Variants in TRMO observed in about 807,000 individuals in gnomAD.
TRMO encodes tRNA methyltransferase O.
In TRMO, 30 loss-of-function variants were observed where a neutral mutation model predicts 37.2. The observed-to-expected ratio is 0.81, with a 90% CI of 0.60 to 1.09. TRMO has a LOEUF of 1.09. TRMO is among the 50% of genes least tolerant of loss of function. The pLI, the probability that TRMO is intolerant of heterozygous loss-of-function variation, is 0.00. For missense variants in TRMO, 552 were observed against 549.5 expected, an observed-to-expected ratio of 1.00 and a Z score of -0.05; for synonymous variants, 239 against 199.4, an observed-to-expected ratio of 1.20 and a Z score of -1.67.
intron 3 of TRMO, chr9:97,911,063 G>A: frequency 7.5e-6 from 3 of 400,124 alleles, no homozygotes; most frequent in Non-Finnish European, 1.5e-5. Context: ...GTAGTCCTCA[G>A]TATATCTCTG....
chr9:97,915,190 A>C (rs1251771669), intron 2 of TRMO, among the ~76,000 whole-genome samples: 1 of 152,238 alleles, frequency 6.6e-6, no homozygotes, highest in Non-Finnish European at 1.5e-5. Flanking sequence ...AAATGACAAC[A>C]AACAATGCTA....
At position 97,904,942 on chromosome 9, in the gene TRMO, G is replaced by C. The variant is rs772505221; in HGVS notation, c.1117C>G (p.Arg373Gly). The change falls in exon 5 of 5, where the codon CGT (arginine) becomes GGT (glycine). Residue 373 changes from arginine to glycine, a missense_variant. Coordinates refer to ENST00000375119, the MANE Select transcript of TRMO (RefSeq NM_016481.5). ...KYFQSAEEAK[R>G]AIEAVLSADP... ...GCTGACAGCACAGCCTCAATGGCAC[G>C]CTTTGCTTCCTCTGCTGACTGAAAA... 1.2e-6 allele frequency: 2 copies of C among 1,614,120 alleles called. No homozygotes were observed. The highest frequency in any genetic ancestry group is 1.7e-6 in the Non-Finnish European group (2 of 1,179,996).
intron 2 of TRMO, among the ~76,000 whole-genome samples, chr9:97,914,934 C>T (rs990010805): frequency 6.6e-6 from 1 of 152,096 alleles, no homozygotes; most frequent in Admixed American, 6.6e-5. Context: ...GGAAAAATCT[C>T]TTTATATACT....
At chr9:97,907,454 C>A (rs68112593) in intron 4 of TRMO, among the ~76,000 whole-genome samples, 30,677 of 152,180 alleles carry the variant, frequency 0.2, 3,363 homozygotes, top group Non-Finnish European at 0.24. Flanking sequence ...AAGCCAAATA[C>A]CCCCCTAGCC....
the TRMO span, among the ~76,000 whole-genome samples, chr9:97,899,194 G>T: frequency 6.8e-4 from 104 of 151,872 alleles, no homozygotes; most frequent in African/African-American, 2.5e-3. Flanking sequence ...CTAGGATTAG[G>T]AAAGAAAGTA....
At position 97,904,831 on chromosome 9, in the gene TRMO, A is replaced by C; in HGVS notation, c.1228T>G (p.Phe410Val). The change falls in exon 5 of 5, where the codon TTT becomes GTT. Residue 410 changes from phenylalanine to valine, a missense_variant. Phe to Val is a conservative substitution (Grantham distance 50). Coordinates refer to ENST00000375119, the MANE Select transcript of TRMO (RefSeq NM_016481.5). The part of the protein sequence containing the change: ...TVDIAHVTCW[F>V]GDGFAEVLRI... ...AGCACCTCTGCAAAGCCATCACCAA[A>C]CCAGCAAGTGACATGCGCTATGTCT... 6.2e-7 allele frequency: 1 copy of C among 1,614,198 alleles called. No homozygotes were observed. The highest frequency in any genetic ancestry group is 8.5e-7 in the Non-Finnish European group (1 of 1,180,038).
At position 97,910,489 on chromosome 9, in the gene TRMO, C is replaced by T; in HGVS notation, c.537G>A (p.Gln179=). The T allele has an allele frequency of 6.2e-7, 1 of 1,614,146 alleles. No individual in the cohort carries two copies. The highest frequency in any genetic ancestry group is 8.5e-7 in the Non-Finnish European group (1 of 1,180,032). ...CAGTGTTTGGTGTATGTTGGTTATT[C>T]TGTAAATTAAAGTCTGCTAAAGGCT... The part of the protein sequence containing the change: ...VMEPLADFNL[Q]NNQHTPNTVS... The change falls in exon 4 of 5, where the codon CAG becomes CAA. Residue 179 remains glutamine, a synonymous_variant. Transcript: ENST00000375119.
intron 1 of TRMO, among the ~76,000 whole-genome samples, chr9:97,920,906 T>C (rs530070558): frequency 8.6e-4 from 131 of 152,252 alleles, no homozygotes; most frequent in Non-Finnish European, 1.6e-3. Context: ...TTGTATTTCT[T>C]AGCCTGGTAC....
chr9:97,921,537 C>G (rs1826633725), intron 1 of TRMO, among the ~76,000 whole-genome samples: 1 of 151,986 alleles, frequency 6.6e-6, no homozygotes, highest in Non-Finnish European at 1.5e-5. Context: ...ATTCTCCTGC[C>G]TCAGCCTCCC....
At chr9:97,913,329 G>A (rs1319648770) in intron 3 of TRMO, 72 bp downstream of exon 3, 13 of 1,573,490 alleles carry the variant, frequency 8.3e-6, no homozygotes, top group Non-Finnish European at 1.0e-5. Context: ...AACAGCCAGT[G>A]GTGAATGCTG....
At chr9:97,901,726 T>C (rs1831173724), downstream of TRMO, among the ~76,000 whole-genome samples, 1 of 149,634 alleles carries the variant, frequency 6.7e-6, no homozygotes, top group Non-Finnish European at 1.5e-5. Context: ...GTTCGTGGAA[T>C]GAGCTTGGAT....
At chr9:97,913,306 A>T (rs1167110562) in intron 3 of TRMO, 95 bp downstream of exon 3, 1 of 1,399,080 alleles carries the variant, frequency 7.1e-7, no homozygotes, top group South Asian at 1.2e-5. Context: ...CATCATTGGT[A>T]CTCGTCTGAA....
At chr9:97,903,706 T>C (rs57686941), downstream of TRMO, among the ~76,000 whole-genome samples, 1,951 of 152,326 alleles carry the variant, frequency 0.013, 48 homozygotes, top group African/African-American at 0.045. Context: ...TTAACCATGA[T>C]TGCAACAAGA....
In TRMO at chr9:97,918,631, T is replaced by C. The variant is rs1244952331; in HGVS notation, c.77-2293A>G. On this transcript the variant is annotated intron_variant, in intron 1 of 4. Coordinates refer to ENST00000375119, the MANE Select transcript of TRMO (RefSeq NM_016481.5). Reference sequence around the variant, plus strand: ...CCTACCAGCATAAGCAGTAAGACTATAGGTCTGGGGCTGTCCCTCACAGTA... The same window carrying C: ...CCTACCAGCATAAGCAGTAAGACTACAGGTCTGGGGCTGTCCCTCACAGTA... Among the ~76,000 whole-genome samples, 3 of 152,322 alleles carry C rather than the reference T, an allele frequency of 2.0e-5. No individual in the cohort carries two copies. In the East Asian group the frequency reaches 5.8e-4, roughly 29 times the overall value.
chr9:97,910,854 T>A (rs1014973588), intron 3 of TRMO: 1 of 592,898 alleles, frequency 1.7e-6, no homozygotes, highest in Non-Finnish European at 3.0e-6. Flanking sequence ...TACAAAGCCT[T>A]TCTGGCTCCT....
intron 4 of TRMO, among the ~76,000 whole-genome samples, chr9:97,907,071 A>G (rs982261365): frequency 6.6e-6 from 1 of 152,198 alleles, no homozygotes; most frequent in Non-Finnish European, 1.5e-5. Context: ...AAAAATAAAA[A>G]GATCAATTTT....
At chr9:97,899,429 CGT>C in the TRMO span, among the ~76,000 whole-genome samples, 1 of 105,556 alleles carries the variant, frequency 9.5e-6, no homozygotes, top group Non-Finnish European at 1.7e-5. Flanking sequence ...TTTTTATGTA[CGT>C]ATTTATTTAT....
At chr9:97,911,012 A>G (rs1258022285) in intron 3 of TRMO, 1 of 465,982 alleles carries the variant, frequency 2.1e-6, no homozygotes, top group East Asian at 6.7e-5. Flanking sequence ...GCTGGGACCA[A>G]CTCATCTTTG....
At chr9:97,921,694 G>C (rs1473975353) in intron 1 of TRMO, among the ~76,000 whole-genome samples, 1 of 152,012 alleles carries the variant, frequency 6.6e-6, no homozygotes, top group Non-Finnish European at 1.5e-5. Context: ...AAAGTGCTGG[G>C]ATTACAGGCA....
Sources: gnomAD v4.1 joint callset for allele counts (sites outside exome capture counted in the v4.1 genomes callset) on GRCh38, gnomAD v4.1.1 for gene constraint, MANE v1.5 for transcripts, NCBI Gene and HGNC (gene_info 2026-07-23, HGNC 2026-07-21) for gene names.